The following SH3BP5 variants were observed in gnomAD, a reference collection of about 807,000 sequenced individuals.
The protein encoded by SH3BP5 is SH3 domain-binding protein 5.
In SH3BP5, 22 loss-of-function variants were observed where a neutral mutation model predicts 43.3. That is an observed-to-expected ratio of 0.51 (90% CI 0.36 to 0.73). The LOEUF is 0.73. Among genes scored for constraint, SH3BP5 ranks in the 30% least tolerant of loss-of-function variants. SH3BP5 has a pLI of 0.00. For missense variants in SH3BP5, 529 were observed against 586.9 expected (o/e 0.90, Z 1.02); for synonymous variants, 255 against 225.8 (o/e 1.13, Z -1.16).
In SH3BP5 at chr3:15,262,179, C is replaced by G; in HGVS notation, c.606G>C (p.Lys202Asn). ...GRMRQLEKKL[K>N]RAINKSKPYF... ...CTTACTTGGACTTGTTGATGGCTCT[C>G]TTGAGTTTCTTCTCCAGCTGTCGCA... The change falls in exon 5 of 9, where the codon AAG (lysine) becomes AAC (asparagine). Residue 202 changes from lysine (K) to asparagine (N), a missense_variant. By Grantham distance (94) the Lys-to-Asn change is moderately conservative (BLOSUM62 0). This residue lies in a region of SH3BP5 where 369 missense variants were observed against 384.3 expected (regional missense o/e 0.96). Coordinates refer to ENST00000383791, the MANE Select transcript of SH3BP5 (RefSeq NM_004844.5). The G allele has an allele frequency of 6.2e-7, 1 of 1,614,102 alleles. No homozygotes were observed. The highest frequency in any genetic ancestry group is 1.1e-5 in the South Asian group (1 of 91,070).
At chr3:15,306,825 C>G (rs114176043) in intron 2 of SH3BP5, among the ~76,000 whole-genome samples, 3,350 of 152,172 alleles carry the variant, frequency 0.022, 129 homozygotes, top group African/African-American at 0.076. Context: ...TGCACCACCA[C>G]GCCAAGCTAA....
Position 15,282,117 on chromosome 3 carries a change from AAC to A in SH3BP5, c.331-12242_331-12241del, listed in dbSNP as rs1197525974. On this transcript the variant is annotated intron_variant, in intron 3 of 8. Coordinates refer to ENST00000383791, the MANE Select transcript of SH3BP5 (RefSeq NM_004844.5). The stretch of plus-strand genomic sequence containing the variant: ...ATTCTGTGTCAAGAGAACCAGGAAG[AAC>A]AGAGTATATCCCTAGCACCAACAAT... Among the ~76,000 whole-genome samples, 7 of 152,176 alleles carry A rather than the reference AAC, an allele frequency of 4.6e-5. 1 individual carries two copies. The highest frequency in any genetic ancestry group is 1.0e-4 in the Non-Finnish European group (7 of 68,030).
chr3:15,309,641 T>C (rs924132364), intron 2 of SH3BP5, among the ~76,000 whole-genome samples: 2 of 152,206 alleles, frequency 1.3e-5, no homozygotes, highest in African/African-American at 2.4e-5. Flanking sequence ...GTGCAGAGTA[T>C]GTTAAAAGAC....
chr3:15,321,875 T>C (rs571580472), intron 2 of SH3BP5, among the ~76,000 whole-genome samples: 3 of 151,932 alleles, frequency 2.0e-5, no homozygotes, highest in African/African-American at 7.2e-5. Context: ...CCATAACTGG[T>C]AACAAGCAGT....
intron 2 of SH3BP5, among the ~76,000 whole-genome samples, chr3:15,321,871 C>T (rs1279017584): frequency 6.6e-6 from 1 of 151,788 alleles, no homozygotes; most frequent in Non-Finnish European, 1.5e-5. Flanking sequence ...TTCACCATAA[C>T]TGGTAACAAG....
chr3:15,263,879 C>A (rs1454832448), intron 4 of SH3BP5, among the ~76,000 whole-genome samples: 1 of 152,182 alleles, frequency 6.6e-6, no homozygotes, highest in Non-Finnish European at 1.5e-5. Context: ...AGAGGTTAGG[C>A]TAAAGGGTTA....
intron 1 of SH3BP5, among the ~76,000 whole-genome samples, chr3:15,338,764 T>C (rs529123343): frequency 1.1e-4 from 16 of 151,606 alleles, no homozygotes; most frequent in Non-Finnish European, 2.4e-4. Context: ...AGTGACCTAA[T>C]ATGAAAATGC....
At chr3:15,321,867 A>G (rs1445623057) in intron 2 of SH3BP5, among the ~76,000 whole-genome samples, 1 of 152,164 alleles carries the variant, frequency 6.6e-6, no homozygotes, top group Non-Finnish European at 1.5e-5. Flanking sequence ...TTACTTCACC[A>G]TAACTGGTAA....
chr3:15,297,101 T>C (rs1697598611), intron 3 of SH3BP5, among the ~76,000 whole-genome samples: 1 of 152,198 alleles, frequency 6.6e-6, no homozygotes, highest in South Asian at 2.1e-4. Flanking sequence ...AGGAGATTAA[T>C]TGATATGCTC....
rs572567298 is a variant in SH3BP5, at chr3:15,277,521, G to A, written c.331-7644C>T. On this transcript the variant is annotated intron_variant, in intron 3 of 8. Coordinates refer to ENST00000383791, the MANE Select transcript of SH3BP5 (RefSeq NM_004844.5). ...TGAGCTCATCCCCAACCAGAGTCCC[G>A]AAAATGGGGTCTAGAGAGGCTGATC... is the stretch of plus-strand genomic sequence containing the variant. Among the ~76,000 whole-genome samples the A allele has an allele frequency of 7.2e-5, 11 of 152,182 alleles. No individual in the cohort carries two copies. In the East Asian group the frequency reaches 1.7e-3, roughly 24 times the overall value.
intron 5 of SH3BP5, 71 bp from the exon 6 acceptor site, chr3:15,259,874 A>G: frequency 1.4e-6 from 2 of 1,399,278 alleles, no homozygotes; most frequent in South Asian, 1.2e-5. Context: ...CACAAGATGA[A>G]CAAGAGGCAT....
At chr3:15,296,994 G>GC (rs1697595919) in intron 3 of SH3BP5, among the ~76,000 whole-genome samples, 1 of 151,986 alleles carries the variant, frequency 6.6e-6, no homozygotes, top group Non-Finnish European at 1.5e-5. Flanking sequence ...ACCACTCCTG[G>GC]CCATGGCAGG....
chr3:15,279,878 G>T (rs1249544347), intron 3 of SH3BP5, among the ~76,000 whole-genome samples: 3 of 152,110 alleles, frequency 2.0e-5, no homozygotes, highest in African/African-American at 7.2e-5. Context: ...GACACCGCAT[G>T]TTCAGACACA....
At chr3:15,277,372 AG>A (rs1289575376) in intron 3 of SH3BP5, among the ~76,000 whole-genome samples, 3 of 152,186 alleles carry the variant, frequency 2.0e-5, no homozygotes, top group African/African-American at 4.8e-5. Context: ...ACACAAATCA[AG>A]GACACAGTGG....
intron 8 of SH3BP5, chr3:15,256,591 TCTA>T (rs1696208921): frequency 5.1e-6 from 3 of 593,420 alleles, no homozygotes; most frequent in Non-Finnish European, 8.9e-6. Flanking sequence ...AACAAACCTC[TCTA>T]CTATGTGCTT....
At chr3:15,280,685 T>C (rs1300393893) in intron 3 of SH3BP5, among the ~76,000 whole-genome samples, 1 of 152,120 alleles carries the variant, frequency 6.6e-6, no homozygotes, top group African/African-American at 2.4e-5. Context: ...GCCCCACCTC[T>C]TAATTCTTCA....
chr3:15,259,590 GACCACT>G (rs1696356168), intron 6 of SH3BP5, 165 bp downstream of exon 6: 1 of 747,230 alleles, frequency 1.3e-6, no homozygotes, highest in Non-Finnish European at 2.5e-6. Context: ...GAGGTTCAGA[GACCACT>G]GAAGACCCAA....
intron 3 of SH3BP5, among the ~76,000 whole-genome samples, chr3:15,300,274 GGATTCCATT>G (rs1247751054): frequency 1.3e-5 from 2 of 152,000 alleles, no homozygotes; most frequent in Admixed American, 1.3e-4. Flanking sequence ...GCTCATGCTG[GGATTCCATT>G]GTCAAACACA....
intron 5 of SH3BP5, 42 bp downstream of exon 5, chr3:15,262,117 G>A (rs1696465742): frequency 6.2e-7 from 1 of 1,610,088 alleles, no homozygotes; most frequent in South Asian, 1.1e-5. Context: ...ATGCAGACTA[G>A]GACAGCCGCA....
Sources: gnomAD v4.1 joint callset for allele counts (sites outside exome capture counted in the v4.1 genomes callset) on GRCh38, gnomAD v4.1.1 for gene constraint, gnomAD v4.1.1 regional missense constraint, MANE v1.5 for transcripts, NCBI Gene and HGNC (gene_info 2026-07-23, HGNC 2026-07-21) for gene names.